The following FNBP1L variants were observed in gnomAD, a reference collection of about 807,000 sequenced individuals.
FNBP1L encodes the protein formin binding protein 1 like.
Under a neutral mutation model 91.2 loss-of-function variants are expected in FNBP1L, and 36 were observed. That is an observed-to-expected ratio of 0.39 (90% confidence interval 0.30 to 0.52). The LOEUF (loss-of-function observed/expected upper bound fraction) is 0.52. FNBP1L is among the 20% of genes least tolerant of loss of function. FNBP1L has a pLI of 0.66. For synonymous variants in FNBP1L, 242 were observed against 237.0 expected, an observed-to-expected ratio of 1.02 and a Z score of -0.19; for missense variants, 571 against 732.1, an observed-to-expected ratio of 0.78 and a Z score of 2.54.
At chr1:93,517,185 A>G (rs1366319480) in intron 2 of FNBP1L, among the ~76,000 whole-genome samples, 1 of 152,078 alleles carries the variant, frequency 6.6e-6, no homozygotes, top group Admixed American at 6.6e-5. Context: ...CTGAGACTAC[A>G]GGAGTGCGCC....
intron 1 of FNBP1L, among the ~76,000 whole-genome samples, chr1:93,495,588 G>C (rs919023712): frequency 1.3e-5 from 2 of 152,136 alleles, no homozygotes; most frequent in African/African-American, 2.4e-5. Flanking sequence ...AACAGGGAGA[G>C]ACAATTGAAA....
At chr1:93,477,779 G>C (rs566193745) in intron 1 of FNBP1L, among the ~76,000 whole-genome samples, 8 of 152,178 alleles carry the variant, frequency 5.3e-5, no homozygotes, top group Non-Finnish European at 8.8e-5. Flanking sequence ...TTCTATTTCA[G>C]ATGTCCTACT....
At chr1:93,458,226 T>C (rs139925489) in intron 1 of FNBP1L, among the ~76,000 whole-genome samples, 1 of 152,380 alleles carries the variant, frequency 6.6e-6, no homozygotes, top group Non-Finnish European at 1.5e-5. Context: ...ATATCTTCTC[T>C]TAGTTCTTTT....
At chr1:93,457,885 G>A (rs1668721920) in intron 1 of FNBP1L, among the ~76,000 whole-genome samples, 1 of 151,884 alleles carries the variant, frequency 6.6e-6, no homozygotes, top group South Asian at 2.1e-4. Flanking sequence ...TCTGCCTCCT[G>A]GGTTCACACC....
intron 4 of FNBP1L, 113 bp downstream of exon 4, chr1:93,523,604 C>A: frequency 1.0e-6 from 1 of 989,020 alleles, no homozygotes; most frequent in Non-Finnish European, 1.4e-6. Flanking sequence ...TATTTCACTA[C>A]ATTTCTTCTA....
intron 14 of FNBP1L, among the ~76,000 whole-genome samples, chr1:93,548,852 T>C (rs1240822344): frequency 1.3e-5 from 2 of 152,184 alleles, no homozygotes; most frequent in Non-Finnish European, 2.9e-5. Flanking sequence ...ATGATTGCTC[T>C]GATGGGCCAC....
chr1:93,523,542 C>A, intron 4 of FNBP1L, 51 bp downstream of exon 4: 1 of 1,474,568 alleles, frequency 6.8e-7, no homozygotes, highest in Non-Finnish European at 9.1e-7. Flanking sequence ...AATAGTCACA[C>A]AGAAACACTT....
chr1:93,530,765 A>T lies in FNBP1L; in HGVS notation c.521A>T (p.Gln174Leu). 3 of 1,597,690 alleles carry T rather than the reference A, an allele frequency of 1.9e-6. No homozygotes were observed. Among genetic ancestry groups the T allele is most frequent in the Non-Finnish European group, 2.6e-6 (3 of 1,171,640 alleles). ...CCATTTTGCCCCTAGGCCAAACAGC[A>T]GTTGAATCTGCGTACGCATATGGCC... The part of the protein sequence containing the change: ...TKADVEKAKQ[Q>L]LNLRTHMADE... The change falls in exon 7 of 17, where the codon CAG (glutamine) becomes CTG (leucine). Residue 174 changes from glutamine (Q) to leucine (L), a missense_variant. Coordinates refer to ENST00000271234, the MANE Select transcript of FNBP1L (RefSeq NM_001164473.3).
chr1:93,492,856 C>T (rs1461355204), intron 1 of FNBP1L, among the ~76,000 whole-genome samples: 1 of 152,010 alleles, frequency 6.6e-6, no homozygotes, highest in East Asian at 1.9e-4. Context: ...TGAATATAGG[C>T]AAACGATAAG....
intron 11 of FNBP1L, chr1:93,543,799 G>C (rs903748345): frequency 2.3e-5 from 4 of 176,660 alleles, no homozygotes; most frequent in African/African-American, 9.5e-5. Flanking sequence ...TTATAACTCT[G>C]CCAAGATTTG....
chr1:93,467,188 C>T (rs1056825786), intron 1 of FNBP1L, among the ~76,000 whole-genome samples: 2 of 152,142 alleles, frequency 1.3e-5, no homozygotes, highest in African/African-American at 4.8e-5. Flanking sequence ...TATTTGTCCA[C>T]CCGTGTGTAT....
At chr1:93,452,215 A>G (rs1408187027) in intron 1 of FNBP1L, among the ~76,000 whole-genome samples, 1 of 152,194 alleles carries the variant, frequency 6.6e-6, no homozygotes, top group East Asian at 1.9e-4. Flanking sequence ...GTGATCATGC[A>G]TGTTTTGCCC....
At chr1:93,509,635 G>A (rs1223957682) in intron 2 of FNBP1L, among the ~76,000 whole-genome samples, 3 of 152,200 alleles carry the variant, frequency 2.0e-5, no homozygotes, top group African/African-American at 4.8e-5. Flanking sequence ...GAACAGCTCC[G>A]GTCTACAGCT....
At chr1:93,524,585 T>C (rs957403029) in intron 5 of FNBP1L, among the ~76,000 whole-genome samples, 1 of 149,518 alleles carries the variant, frequency 6.7e-6, no homozygotes, top group African/African-American at 2.4e-5. Context: ...GAGATTCTTT[T>C]TTTTTTTTTT....
intron 1 of FNBP1L, among the ~76,000 whole-genome samples, chr1:93,474,652 A>T (rs905542500): frequency 3.3e-5 from 5 of 152,202 alleles, no homozygotes; most frequent in Non-Finnish European, 1.5e-5. Flanking sequence ...TATTTTAAAA[A>T]TCCTACCCAG....
chr1:93,503,327 C>T (rs529799399), intron 2 of FNBP1L, among the ~76,000 whole-genome samples: 57 of 152,126 alleles, frequency 3.7e-4, no homozygotes, highest in Non-Finnish European at 7.5e-4. Flanking sequence ...AAACCGCCCC[C>T]ATGATTCAGT....
At chr1:93,448,381 T>C in intron 1 of FNBP1L, 76 bp downstream of exon 1, 3 of 1,426,636 alleles carry the variant, frequency 2.1e-6, no homozygotes, top group African/African-American at 1.5e-5. Flanking sequence ...CCGCGGACCC[T>C]CGGCGGTGAA....
At chr1:93,450,275 A>G (rs893898256) in intron 1 of FNBP1L, among the ~76,000 whole-genome samples, 1 of 152,234 alleles carries the variant, frequency 6.6e-6, no homozygotes, top group Non-Finnish European at 1.5e-5. Flanking sequence ...CAGCAATCTG[A>G]AAAGATAAAC....
At chr1:93,500,460 A>G (rs1670408494) in intron 2 of FNBP1L, among the ~76,000 whole-genome samples, 1 of 152,110 alleles carries the variant, frequency 6.6e-6, no homozygotes, top group African/African-American at 2.4e-5. Context: ...GGGAGAAAGG[A>G]AGGGAGGGAA....
Sources: allele counts gnomAD v4.1 joint callset (sites outside exome capture counted in the v4.1 genomes callset), GRCh38; gene constraint gnomAD v4.1.1; transcripts MANE v1.5; gene names NCBI Gene and HGNC (gene_info 2026-07-23, HGNC 2026-07-21).